Variants in RILP observed in about 807,000 individuals in gnomAD.
The protein encoded by RILP is rab-interacting lysosomal protein.
A neutral mutation model predicts 40.0 loss-of-function variants in RILP; 53 were observed. That is an observed-to-expected ratio of 1.32 (90% CI 1.06 to 1.66). RILP has a LOEUF of 1.66. Ranked by LOEUF, RILP falls within the 40% of genes most tolerant of loss-of-function variation. The pLI is 0.00. For missense variants in RILP, 626 were observed against 551.7 expected, an observed-to-expected ratio of 1.13 and a Z score of -1.35; for synonymous variants, 272 against 250.6, an observed-to-expected ratio of 1.09 and a Z score of -0.80.
Position 1,649,763 on chromosome 17 carries a change from C to T in RILP, c.42G>A (p.Gly14=). 6.3e-7 allele frequency: 1 copy of T among 1,582,960 alleles called. No homozygotes were observed. The highest frequency in any genetic ancestry group is 8.5e-7 in the Non-Finnish European group (1 of 1,172,158). The change falls in exon 1 of 8, where the codon GGG becomes GGA. Residue 14 remains glycine, a synonymous_variant. Coordinates refer to ENST00000301336, the MANE Select transcript of RILP (RefSeq NM_031430.3). This position sits in a 1 kb window ranked among gnomAD's most constrained non-coding sequence, Gnocchi z 4.3. ...ATGCCGACCCCGCGGCCTCCCGAGA[C>T]CCCCAGCCAGGCACCCCGGGCGCCG... is the stretch of plus-strand genomic sequence containing the variant. The part of the protein sequence containing the change: ...RRAAPGVPGW[G]SREAAGSASA...
Position 1,649,647 on chromosome 17 carries a change from C to T in RILP, c.158G>A (p.Gly53Glu). ...ARRFGPEAAA[G>E]LVPLVVRALE... is the part of the protein sequence containing the mutation. ...CGCCCGCACCACTAGCGGCACCAGC[C>T]CGGCCGCCGCCTCCGGCCCGAAACG... Residue 53 changes from glycine (G) to glutamate (E), a missense_variant, in exon 1 of 8, where the codon GGG becomes GAG. Physicochemically the swap from Gly to Glu is moderately conservative, Grantham distance 98 (BLOSUM62 -2). Transcript: ENST00000301336. This position sits in a 1 kb window ranked among gnomAD's most constrained non-coding sequence, Gnocchi z 4.3. 6.3e-7 allele frequency: 1 copy of T among 1,587,088 alleles called. No homozygotes were observed. Among genetic ancestry groups the T allele is most frequent in the Non-Finnish European group, 8.5e-7 (1 of 1,174,462 alleles).
intron 6 of RILP, among the ~76,000 whole-genome samples, chr17:1,647,296 T>C (rs1310251665): frequency 2.0e-5 from 3 of 152,026 alleles, no homozygotes; most frequent in African/African-American, 7.2e-5. Context: ...CATGCCACCA[T>C]GCCCGGCTAA....
Position 1,649,538 on chromosome 17 carries a change from G to C in RILP, c.229-33C>G, listed in dbSNP as rs777190341. The C allele has an allele frequency of 1.8e-5, 27 of 1,508,266 alleles. No homozygotes were observed. Among genetic ancestry groups the C allele is most frequent in the Non-Finnish European group, 2.0e-5 (23 of 1,135,256 alleles). The allele number at this position is 1,508,266 out of a possible 1,614,324, so 93.4% of individuals were successfully genotyped here. ...GACCCGGGTCTCAGGCTTCGGCCCTGCCGGCCCCGTGGGTGGCGAAGGGAG... is the reference window on the plus strand; with the variant it reads ...GACCCGGGTCTCAGGCTTCGGCCCTCCCGGCCCCGTGGGTGGCGAAGGGAG... On this transcript the variant is annotated intron_variant, in intron 1 of 7. Transcript: ENST00000301336. This position sits in a 1 kb window ranked among gnomAD's most constrained non-coding sequence, Gnocchi z 4.3.
At position 1,648,761 on chromosome 17, in the gene RILP, C is replaced by A. The variant is rs2272009; in HGVS notation, c.675+38G>T. ...AGTGCCCACCGAGGGCTGGACGCTG[C>A]GTCCTGGGCTGGGTCCTTGCCCTCA... On this transcript the variant is annotated intron_variant, in intron 4 of 7. Transcript: ENST00000301336. The surrounding 1 kb of genome is among the most constrained non-coding windows in gnomAD (Gnocchi z 4.9). 32,440 of 1,468,806 alleles carry A rather than the reference C, an allele frequency of 0.022. 4,024 individuals are homozygous for A. In the African/African-American group the frequency reaches 0.33, roughly 15 times the overall value. 91.0% of individuals were successfully genotyped at this position (1,468,806 alleles called of 1,614,324 possible). A position where few individuals can be genotyped will look rare whatever the true frequency, so the allele number is the denominator to read the frequency against.
Position 1,648,544 on chromosome 17 carries a change from C to T in RILP, c.676-49G>A, listed in dbSNP as rs147298078. ...GAGGGTCGCCTCGGCTGGCGTTCCC[C>T]CGCCCCAGGGCCATCATGGGAATGC... On this transcript the variant is annotated intron_variant, in intron 4 of 7. Coordinates refer to ENST00000301336, the MANE Select transcript of RILP (RefSeq NM_031430.3). This position sits in a 1 kb window ranked among gnomAD's most constrained non-coding sequence, Gnocchi z 4.9. 574 of 1,597,664 alleles carry T rather than the reference C, an allele frequency of 3.6e-4. 4 individuals are homozygous for T. The African/African-American group carries it at 6.9e-3, about 19-fold the overall frequency.
rs566230097 is a variant in RILP at position 1,647,734 on chromosome 17, G to C, written c.944+101C>G. 57 of 1,473,258 alleles carry C rather than the reference G, an allele frequency of 3.9e-5. 2 individuals are homozygous for C. The Middle Eastern group carries it at 3.9e-3, about 102-fold the overall frequency. The allele number at this position is 1,473,258 out of a possible 1,614,324, so 91.3% of individuals were successfully genotyped here. Reference sequence around the variant, plus strand: ...TGACCGGGTTGGGGTGACAGCCTCAGTCTGAGACAATGGGCTCAGAGGGTG... The same window carrying C: ...TGACCGGGTTGGGGTGACAGCCTCACTCTGAGACAATGGGCTCAGAGGGTG... On this transcript the variant is annotated intron_variant, in intron 6 of 7. Coordinates refer to ENST00000301336, the MANE Select transcript of RILP (RefSeq NM_031430.3).
rs778147816 is a variant in RILP at position 1,649,189 on chromosome 17, C to G, written c.429+11G>C. ...CCCCCGCCCCGCCCCAGAGCCCCGCCCCGCCCTCACCGCCTCGGTCTCCTG... is the reference window on the plus strand; with the variant it reads ...CCCCCGCCCCGCCCCAGAGCCCCGCGCCGCCCTCACCGCCTCGGTCTCCTG... On this transcript the variant is annotated intron_variant, in intron 3 of 7. Coordinates refer to ENST00000301336, the MANE Select transcript of RILP (RefSeq NM_031430.3). This position sits in a 1 kb window ranked among gnomAD's most constrained non-coding sequence, Gnocchi z 4.3. The G allele has an allele frequency of 6.8e-5, 99 of 1,462,820 alleles. No homozygotes were observed. In the African/African-American group the frequency reaches 1.2e-3, roughly 17 times the overall value. 90.6% of individuals were successfully genotyped at this position (1,462,820 alleles called of 1,614,324 possible).
In RILP at chr17:1,646,478, G is replaced by C; in HGVS notation, c.1170C>G (p.His390Gln). 1 of 1,604,976 alleles carries C rather than the reference G, an allele frequency of 6.2e-7. No individual in the cohort carries two copies. The highest frequency in any genetic ancestry group is 8.5e-7 in the Non-Finnish European group (1 of 1,176,160). The change falls in exon 8 of 8, where the codon CAC becomes CAG. Residue 390 changes from histidine (H) to glutamine (Q), a missense_variant. Physicochemically the swap from His to Gln is conservative, Grantham distance 24. Coordinates refer to ENST00000301336, the MANE Select transcript of RILP (RefSeq NM_031430.3). This position sits in a 1 kb window ranked among gnomAD's most constrained non-coding sequence, Gnocchi z 4.3. ...PDPPCSALHE[H>Q]LCLGASAAPE... is the part of the protein sequence containing the mutation. ...GGGCGGCTGAGGCCCCCAGACAAAG[G>C]TGTTCGTGGAGGGCAGAACAGGGCG...
At position 1,649,555 on chromosome 17, in the gene RILP, C is replaced by G. The variant is rs753788692; in HGVS notation, c.228+22G>C. ...TCGGCCCTGCCGGCCCCGTGGGTGG[C>G]GAAGGGAGGGCCATGACTCACCGAG... On this transcript the variant is annotated intron_variant, in intron 1 of 7. Transcript: ENST00000301336. This position sits in a 1 kb window ranked among gnomAD's most constrained non-coding sequence, Gnocchi z 4.3. 1.6e-5 allele frequency: 25 copies of G among 1,519,728 alleles called. No individual in the cohort carries two copies. In the South Asian group the frequency reaches 2.2e-4, roughly 13 times the overall value. The allele number at this position is 1,519,728 out of a possible 1,614,324, so 94.1% of individuals were successfully genotyped here.
In RILP at chr17:1,649,762, A is replaced by AC. The variant is rs754727009; in HGVS notation, c.42dup (p.Ser15ValfsTer24). 6 of 1,582,392 alleles carry AC rather than the reference A, an allele frequency of 3.8e-6. 1 individual carries two copies. In the South Asian group the frequency reaches 6.8e-5, roughly 18 times the overall value. ...GATGCCGACCCCGCGGCCTCCCGAG[A>AC]CCCCCAGCCAGGCACCCCGGGCGCC... On this transcript the variant is annotated frameshift_variant, in exon 1 of 8. Coordinates refer to ENST00000301336, the MANE Select transcript of RILP (RefSeq NM_031430.3). LOFTEE classifies it high-confidence loss of function. The surrounding 1 kb of genome is among the most constrained non-coding windows in gnomAD (Gnocchi z 4.3).
Position 1,649,801 on chromosome 17 carries a change from C to A in RILP, c.4G>T (p.Glu2Ter), listed in dbSNP as rs760128104. 2.6e-6 allele frequency: 4 copies of A among 1,542,284 alleles called. No homozygotes were observed. The Admixed American group carries it at 7.7e-5, about 30-fold the overall frequency. The stretch of plus-strand genomic sequence containing the variant: ...ACCCCGGGCGCCGCCCTCCTGGGCT[C>A]CATGTCTCCCAGAGGCTTAGGGCTG... M[E>*]PRRAAPGVPG... The change falls in exon 1 of 8, where the codon GAG becomes TAG. Residue 2 changes from glutamate (E) to a stop codon, truncating the protein, a stop_gained. Coordinates refer to ENST00000301336, the MANE Select transcript of RILP (RefSeq NM_031430.3). LOFTEE classifies it high-confidence loss of function. This position sits in a 1 kb window ranked among gnomAD's most constrained non-coding sequence, Gnocchi z 4.3.
chr17:1,646,436 C>T lies in RILP; in HGVS notation c.*6G>A, dbSNP rs1294295611. The T allele has an allele frequency of 9.0e-6, 14 of 1,561,868 alleles. 1 individual carries two copies. In the East Asian group the frequency reaches 3.1e-4, roughly 35 times the overall value. The stretch of plus-strand genomic sequence containing the variant: ...CCACACATCCTTCCACAGCCAGACC[C>T]CTAAGTCAGGCCTCTGGGGCGGCTG... On this transcript the variant is annotated 3_prime_UTR_variant, in exon 8 of 8. Transcript: ENST00000301336. The surrounding 1 kb of genome is among the most constrained non-coding windows in gnomAD (Gnocchi z 4.3).
chr17:1,648,031 GC>G lies in RILP; in HGVS notation c.822-75del, dbSNP rs937337041. 106 of 1,578,240 alleles carry G rather than the reference GC, an allele frequency of 6.7e-5. No individual in the cohort carries two copies. Among genetic ancestry groups the G allele is most frequent in the Non-Finnish European group, 1.3e-5 (15 of 1,159,660 alleles). ...GGGGATGCCAGCAGTGGAGATGCCA[GC>G]CGCAGTCCTCACTCCTGGTACCTGT... On this transcript the variant is annotated intron_variant, in intron 5 of 7. Transcript: ENST00000301336. The surrounding 1 kb of genome is among the most constrained non-coding windows in gnomAD (Gnocchi z 4.9).
rs531746922 is a variant in RILP at position 1,647,617 on chromosome 17, G to A, written c.944+218C>T. Among the ~76,000 whole-genome samples the A allele has an allele frequency of 4.6e-5, 7 of 152,268 alleles. No homozygotes were observed. In the East Asian group the frequency reaches 1.4e-3, roughly 29 times the overall value. On this transcript the variant is annotated intron_variant, in intron 6 of 7. Coordinates refer to ENST00000301336, the MANE Select transcript of RILP (RefSeq NM_031430.3). ...AGGCAAGGGGAGTGGTGAGATCCAGGGAGAAGGGCGCAGGCTGGACAGCGG... is the reference window on the plus strand; with the variant it reads ...AGGCAAGGGGAGTGGTGAGATCCAGAGAGAAGGGCGCAGGCTGGACAGCGG...
Position 1,646,554 on chromosome 17 carries a change from C to A in RILP, c.1094G>T (p.Ser365Ile), listed in dbSNP as rs1910584232. ...SEDETSSPAP[S>I]KLGGEEEAQP... is the part of the protein sequence containing the mutation. ...GGCCTCCTCTTCTCCCCCTAGCTTG[C>A]TGGGTGCAGGGCTGCTGGTCTCATC... Residue 365 changes from serine (S) to isoleucine (I), a missense_variant, in exon 8 of 8, where the codon AGC becomes ATC. Coordinates refer to ENST00000301336, the MANE Select transcript of RILP (RefSeq NM_031430.3). The surrounding 1 kb of genome is among the most constrained non-coding windows in gnomAD (Gnocchi z 4.3). 6.2e-7 allele frequency: 1 copy of A among 1,613,124 alleles called. No individual in the cohort carries two copies. The highest frequency in any genetic ancestry group is 1.7e-5 in the Admixed American group (1 of 59,896).
chr17:1,647,203 G>A (rs1286747572), intron 6 of RILP, among the ~76,000 whole-genome samples: 1 of 151,818 alleles, frequency 6.6e-6, no homozygotes, highest in South Asian at 2.1e-4. Context: ...GCAGTGGTGC[G>A]ATCTCAGCTC....
At chr17:1,647,226 G>A (rs1910656087) in intron 6 of RILP, among the ~76,000 whole-genome samples, 1 of 151,796 alleles carries the variant, frequency 6.6e-6, no homozygotes, top group African/African-American at 2.4e-5. Context: ...TGCAACCTCC[G>A]CCTCCCAAGT....
chr17:1,646,868 C>G lies in RILP; in HGVS notation c.1028+38G>C. The G allele has an allele frequency of 6.8e-7, 1 of 1,472,282 alleles. No homozygotes were observed. The highest frequency in any genetic ancestry group is 9.3e-7 in the Non-Finnish European group (1 of 1,080,312). 91.2% of individuals were successfully genotyped at this position (1,472,282 alleles called of 1,614,324 possible). A position where few individuals can be genotyped will look rare whatever the true frequency, so the allele number is the denominator to read the frequency against. ...AAGGACCAGCCAGGGCCCTTCCTCC[C>G]TCCCCACACTCTTGCCTTTCCCCTT... On this transcript the variant is annotated intron_variant, in intron 7 of 7. Coordinates refer to ENST00000301336, the MANE Select transcript of RILP (RefSeq NM_031430.3). The surrounding 1 kb of genome is among the most constrained non-coding windows in gnomAD (Gnocchi z 4.3).
At position 1,648,246 on chromosome 17, in the gene RILP, T is replaced by C; in HGVS notation, c.821+104A>G. 7.0e-7 allele frequency: 1 copy of C among 1,419,906 alleles called. No individual in the cohort carries two copies. Among genetic ancestry groups the C allele is most frequent in the Non-Finnish European group, 9.6e-7 (1 of 1,041,320 alleles). 88.0% of individuals were successfully genotyped at this position (1,419,906 alleles called of 1,614,324 possible). A position where few individuals can be genotyped will look rare whatever the true frequency, so the allele number is the denominator to read the frequency against. Reference sequence around the variant, plus strand: ...GGCAAGGGCTGTACAATTCATGTCCTCCCAGTTCCCAGCGCAGGCCTGGCA... The same window carrying C: ...GGCAAGGGCTGTACAATTCATGTCCCCCCAGTTCCCAGCGCAGGCCTGGCA... On this transcript the variant is annotated intron_variant, in intron 5 of 7. Transcript: ENST00000301336. The surrounding 1 kb of genome is among the most constrained non-coding windows in gnomAD (Gnocchi z 4.9).
Sources: gnomAD v4.1 joint callset for allele counts (sites outside exome capture counted in the v4.1 genomes callset) on GRCh38, gnomAD v4.1.1 for gene constraint, Gnocchi (gnomAD v3.1) non-coding constraint, MANE v1.5 for transcripts, NCBI Gene and HGNC (gene_info 2026-07-23, HGNC 2026-07-21) for gene names.